RGS8: variants seen among roughly 807,000 people sequenced by gnomAD.
RGS8 encodes the protein regulator of G-protein signaling 8.
RGS8 carries 8 observed loss-of-function variants against 21.7 expected under a neutral mutation model. The ratio of observed to expected loss-of-function variants is 0.37; its 90% CI spans 0.22 to 0.66. The LOEUF is 0.66. Ranked by LOEUF, RGS8 falls within the 30% of genes least tolerant of loss-of-function variation. The probability of loss-of-function intolerance (pLI) is 0.59; values close to 1 mark genes in which losing one functional copy is unlikely to be tolerated. For synonymous variants in RGS8, 80 were observed against 83.6 expected, an observed-to-expected ratio of 0.96 and a Z score of 0.24; for missense variants, 157 against 217.9, an observed-to-expected ratio of 0.72 and a Z score of 1.76.
chr1:182,700,660 T>G, the RGS8 span, among the ~76,000 whole-genome samples: 1 of 152,228 alleles, frequency 6.6e-6, no homozygotes, highest in Admixed American at 6.5e-5. Flanking sequence ...ATGCTTTTTG[T>G]TAGAGTTCTC....
At chr1:182,748,411 A>T in the RGS8 span, among the ~76,000 whole-genome samples, 1 of 152,180 alleles carries the variant, frequency 6.6e-6, no homozygotes, top group Non-Finnish European at 1.5e-5. Context: ...AATATCCTCC[A>T]GGTTAATTGT....
intron 6 of RGS8, among the ~76,000 whole-genome samples, chr1:182,647,886 T>TA (rs1384751616): frequency 1.3e-5 from 2 of 152,230 alleles, no homozygotes; most frequent in Non-Finnish European, 2.9e-5. Context: ...AAAATCTCTG[T>TA]AGCAACACAG....
At chr1:182,718,820 C>A in the RGS8 span, among the ~76,000 whole-genome samples, 2 of 152,126 alleles carry the variant, frequency 1.3e-5, no homozygotes, top group Non-Finnish European at 1.5e-5. Context: ...AAAACTGGGT[C>A]ATCTTAAGAG....
the RGS8 span, among the ~76,000 whole-genome samples, chr1:182,723,506 A>AAG: frequency 2.0e-5 from 3 of 152,234 alleles, no homozygotes; most frequent in African/African-American, 7.2e-5. Context: ...GAGAAACAGA[A>AAG]AGAGAGAGAG....
At chr1:182,733,018 T>G in the RGS8 span, among the ~76,000 whole-genome samples, 1 of 152,222 alleles carries the variant, frequency 6.6e-6, no homozygotes, top group Non-Finnish European at 1.5e-5. Flanking sequence ...GTTCCTAATG[T>G]AAGGAACATA....
the RGS8 span, among the ~76,000 whole-genome samples, chr1:182,723,003 AAAATAAAT>A: frequency 6.6e-6 from 1 of 151,480 alleles, no homozygotes; most frequent in Non-Finnish European, 1.5e-5. Context: ...AATAAAAATA[AAAATAAAT>A]AAATAAATAA....
chr1:182,696,001 C>A, the RGS8 span, among the ~76,000 whole-genome samples: 1 of 152,174 alleles, frequency 6.6e-6, no homozygotes, highest in Non-Finnish European at 1.5e-5. Context: ...ACATCTAAAC[C>A]TTCTGCTGGG....
At chr1:182,648,238 A>G in exon 6 of RGS8, 3 of 1,613,882 alleles carry the variant, frequency 1.9e-6, no homozygotes, top group Non-Finnish European at 2.5e-6. Flanking sequence ...TCACAGGCCA[A>G]CCAGAATTCC....
upstream of RGS8, among the ~76,000 whole-genome samples, chr1:182,677,667 C>G (rs1386548498): frequency 6.6e-6 from 1 of 152,216 alleles, no homozygotes; most frequent in African/African-American, 2.4e-5. Flanking sequence ...TTTTGTTCCT[C>G]TTGAGCATTC....
At chr1:182,711,463 G>A in the RGS8 span, among the ~76,000 whole-genome samples, 2 of 152,180 alleles carry the variant, frequency 1.3e-5, no homozygotes, top group South Asian at 2.1e-4. Flanking sequence ...CTTAAGCTGG[G>A]AAGCAAAATA....
At chr1:182,643,053 G>A (rs1390372733), downstream of RGS8, 1 of 152,262 alleles carries the variant, frequency 6.6e-6, no homozygotes, top group Non-Finnish European at 1.5e-5. Flanking sequence ...AGACAAGCTT[G>A]GAGGAGACAG....
At chr1:182,671,987 C>T, upstream of RGS8, 1 of 1,218,866 alleles carries the variant, frequency 8.2e-7, no homozygotes, top group South Asian at 1.8e-5. Flanking sequence ...CGCCCATCCT[C>T]ATTGGCAGGA....
intron 5 of RGS8, among the ~76,000 whole-genome samples, chr1:182,662,958 G>C (rs558559484): frequency 1.3e-5 from 2 of 152,062 alleles, no homozygotes; most frequent in African/African-American, 2.4e-5. Flanking sequence ...AATGGGGAGG[G>C]GGGGAAATAA....
the RGS8 span, among the ~76,000 whole-genome samples, chr1:182,742,147 CG>C: frequency 6.7e-6 from 1 of 149,938 alleles, no homozygotes; most frequent in Non-Finnish European, 1.5e-5. Context: ...GATGGGCGGC[CG>C]GGCAGAGACG....
chr1:182,715,956 G>T, the RGS8 span, among the ~76,000 whole-genome samples: 1 of 152,220 alleles, frequency 6.6e-6, no homozygotes, highest in African/African-American at 2.4e-5. Flanking sequence ...AAGGGGCATA[G>T]GTTCCCATAG....
At chr1:182,742,931 T>A in the RGS8 span, among the ~76,000 whole-genome samples, 1 of 152,220 alleles carries the variant, frequency 6.6e-6, no homozygotes, top group Non-Finnish European at 1.5e-5. Context: ...TAAAGTCGCT[T>A]AATGGAATAT....
At chr1:182,733,863 C>T in the RGS8 span, 8 of 151,620 alleles carry the variant, frequency 5.3e-5, no homozygotes, top group South Asian at 1.0e-3. Context: ...AACACACAGC[C>T]CTAGATACCA....
the RGS8 span, among the ~76,000 whole-genome samples, chr1:182,747,576 T>C: frequency 3.3e-5 from 5 of 152,150 alleles, no homozygotes; most frequent in Admixed American, 3.3e-4. Context: ...CTATGGGAGA[T>C]TGGACCCTAC....
intron 1 of RGS8, among the ~76,000 whole-genome samples, chr1:182,683,139 C>T (rs1446731370): frequency 6.6e-6 from 1 of 152,212 alleles, no homozygotes; most frequent in East Asian, 1.9e-4. Context: ...ACTCTACTGC[C>T]CACTCACTTA....
Sources: allele counts gnomAD v4.1 joint callset (sites outside exome capture counted in the v4.1 genomes callset), GRCh38; gene constraint gnomAD v4.1.1; transcripts MANE v1.5; gene names NCBI Gene and HGNC (gene_info 2026-07-23, HGNC 2026-07-21).